The following NBPF12 variants were observed in gnomAD, a reference collection of about 807,000 sequenced individuals.
NBPF12 encodes NBPF family member NBPF12.
In NBPF12, 115 loss-of-function variants were observed where a neutral mutation model predicts 146.4. The observed-to-expected ratio is 0.79, with a 90% CI of 0.68 to 0.92. The LOEUF (loss-of-function observed/expected upper bound fraction) is 0.92, where lower values mean the gene tolerates loss of function less well. Among genes scored for constraint, NBPF12 ranks in the 40% least tolerant of loss-of-function variants. The probability of loss-of-function intolerance (pLI) is 0.00; values close to 1 mark genes in which losing one functional copy is unlikely to be tolerated. For synonymous variants in NBPF12, 385 were observed against 508.9 expected (o/e 0.76, Z 3.28); for missense variants, 1,205 against 1,326.8 (o/e 0.91, Z 1.43).
intron 5 of NBPF12, among the ~76,000 whole-genome samples, chr1:146,962,531 G>A (rs1388364903): frequency 6.6e-6 from 1 of 151,624 alleles, no homozygotes; most frequent in African/African-American, 2.4e-5. Flanking sequence ...CAAAGGAGTG[G>A]GAACCACCTA....
In NBPF12 at chr1:146,972,766, C is replaced by A; in HGVS notation, c.1607C>A (p.Ser536Tyr). The A allele has an allele frequency of 4.0e-6, 5 of 1,241,206 alleles. No individual in the cohort carries two copies. In the South Asian group the frequency reaches 4.8e-5, roughly 12 times the overall value. 76.9% of individuals were successfully genotyped at this position (1,241,206 alleles called of 1,614,324 possible). ...TTCTCCCCAGTCCCTGGCCCCACCT[C>A]TTCTGCCACAAACGTCAGCATGGTG... Residue 536 changes from serine (S) to tyrosine (Y), a missense_variant, in exon 14 of 34, where the codon TCT (serine) becomes TAT (tyrosine). Ser to Tyr is a moderately radical substitution (Grantham distance 144). Around this residue, in one of 16 missense-constraint regions of NBPF12, gnomAD observed 278 missense variants for 203.1 expected, o/e 1.37. Transcript: ENST00000617844.
upstream of NBPF12, among the ~76,000 whole-genome samples, chr1:146,948,806 T>A (rs1655187396): frequency 6.6e-6 from 1 of 151,206 alleles, no homozygotes; most frequent in Non-Finnish European, 1.5e-5. Context: ...GGAAGGCGTC[T>A]GTCTCCTGCT....
intron 14 of NBPF12, among the ~76,000 whole-genome samples, chr1:146,974,444 A>G (rs1215324732): frequency 3.8e-5 from 5 of 132,172 alleles, no homozygotes; most frequent in Non-Finnish European, 7.9e-5. Context: ...AGTGGCCCCG[A>G]ATTCAGAGTC....
chr1:146,984,328 T>G lies in NBPF12; in HGVS notation c.2666+143T>G, dbSNP rs1238951520. 6.0e-6 allele frequency: 4 copies of G among 665,928 alleles called. No individual in the cohort carries two copies. In the African/African-American group the frequency reaches 7.2e-5, roughly 12 times the overall value. 41.3% of individuals were successfully genotyped at this position (665,928 alleles called of 1,614,324 possible). A position where few individuals can be genotyped will look rare whatever the true frequency, so the allele number is the denominator to read the frequency against. On this transcript the variant is annotated intron_variant, in intron 21 of 33. Transcript: ENST00000617844. ...TGCCTACTGCATTGTTTTTTGGTTC[T>G]CATTAGAGTAAATGTTTAGGTTTCC...
At position 146,984,651 on chromosome 1, in the gene NBPF12, G is replaced by A. The variant is rs1553888394; in HGVS notation, c.2667-162G>A. 9.9e-3 allele frequency among the ~76,000 whole-genome samples: 1,395 copies of A among 140,858 alleles called. 18 individuals are homozygous for A. Among genetic ancestry groups the A allele is most frequent in the Non-Finnish European group, 0.016 (1,032 of 66,480 alleles). The allele number at this position is 140,858 out of a possible 152,430, so 92.4% of individuals were successfully genotyped here. ...TTTCTCTTTCATCCTTTTCTACCTG[G>A]CCCTAGTCTATCACAACATAAAGGC... On this transcript the variant is annotated intron_variant, in intron 21 of 33. Coordinates refer to ENST00000617844, the Ensembl canonical transcript of NBPF12.
At chr1:146,964,712 C>G (rs1379384272) in intron 7 of NBPF12, among the ~76,000 whole-genome samples, 181 bp from the exon 11 acceptor site, 1 of 151,996 alleles carries the variant, frequency 6.6e-6, no homozygotes, top group Non-Finnish European at 1.5e-5. Flanking sequence ...CTCTGGCTCC[C>G]ATGGCAGCCA....
At chr1:146,992,510 GTGTCTA>G (rs1658261591) in intron 31 of NBPF12, among the ~76,000 whole-genome samples, 196 bp from the exon 35 acceptor site, 7 of 122,636 alleles carry the variant, frequency 5.7e-5, no homozygotes, top group African/African-American at 1.2e-4. Context: ...GTGTGTGTGT[GTGTCTA>G]TCTGTCTTTC....
At chr1:146,950,666 C>T in intron 1 of NBPF12, among the ~76,000 whole-genome samples, 3 of 152,270 alleles carry the variant, frequency 2.0e-5, no homozygotes, top group Non-Finnish European at 2.9e-5. Context: ...TTTTGAGATT[C>T]ATCCATGTTG....
chr1:146,981,026 A>C (rs1238587225), intron 19 of NBPF12, among the ~76,000 whole-genome samples: 10 of 139,110 alleles, frequency 7.2e-5, no homozygotes, highest in African/African-American at 2.4e-4. Context: ...AAACTATTGC[A>C]AGGACAAAAA....
chr1:146,979,412 G>A (rs1657235120), intron 19 of NBPF12, among the ~76,000 whole-genome samples: 1 of 81,842 alleles, frequency 1.2e-5, no homozygotes, highest in Admixed American at 1.3e-4. Flanking sequence ...TGTGATGTTA[G>A]GGTGTCAATT....
At chr1:146,948,750 G>A (rs1466954770), upstream of NBPF12, among the ~76,000 whole-genome samples, 10 of 151,662 alleles carry the variant, frequency 6.6e-5, no homozygotes, top group African/African-American at 2.4e-4. Flanking sequence ...GTGCTGAGGA[G>A]GATTAGTAAA....
At chr1:146,994,440 G>A (rs782415041) in exon 34 of NBPF12, 7 of 1,611,842 alleles carry the variant, frequency 4.3e-6, no homozygotes, top group South Asian at 1.1e-5. Context: ...ACTCATTCCA[G>A]CACTACAGAA....
exon 34 of NBPF12, chr1:146,994,338 C>G (rs782497445): frequency 2.6e-5 from 42 of 1,611,572 alleles, no homozygotes; most frequent in African/African-American, 4.0e-5. Context: ...CCAGGCTCAA[C>G]AGCGTGCTGA....
intron 10 of NBPF12, 51 bp from the exon 14 acceptor site, chr1:146,969,331 G>C: frequency 3.0e-6 from 2 of 666,936 alleles, no homozygotes; most frequent in Non-Finnish European, 5.2e-6. Context: ...ATATTTGAAC[G>C]GATCACTCAA....
In NBPF12 at chr1:146,939,029, C is replaced by CG. The variant is rs1208760099; in HGVS notation, c.-822+50dup. 1 of 152,260 alleles carries CG rather than the reference C, an allele frequency of 6.6e-6. No homozygotes were observed. The highest frequency in any genetic ancestry group is 1.5e-5 in the Non-Finnish European group (1 of 68,156). The allele number at this position is 152,260 out of a possible 1,614,324, so 9.4% of individuals were successfully genotyped here. A position where few individuals can be genotyped will look rare whatever the true frequency, so the allele number is the denominator to read the frequency against. The stretch of plus-strand genomic sequence containing the variant: ...GGGCGGCAGGTGAGTCTGGGACCTG[C>CG]GGGCGCACAGCTGGGCTGAGGCGCG... On this transcript the variant is annotated intron_variant, in intron 1 of 35. Transcript: ENST00000617931.
chr1:146,966,448 C>G lies in NBPF12; in HGVS notation c.779-16C>G, dbSNP rs2101861172. On this transcript the variant is annotated splice_polypyrimidine_tract_variant and intron_variant, in intron 8 of 33. Coordinates refer to ENST00000617844, the Ensembl canonical transcript of NBPF12. ...CAGTTTTTAACCCATCATGTGTTTG[C>G]CTTTCTTCTCCCCAGTCCCTGGCCC... 8 of 1,334,442 alleles carry G rather than the reference C, an allele frequency of 6.0e-6. No individual in the cohort carries two copies. In the East Asian group the frequency reaches 9.2e-5, roughly 15 times the overall value. 82.7% of individuals were successfully genotyped at this position (1,334,442 alleles called of 1,614,324 possible). A position where few individuals can be genotyped will look rare whatever the true frequency, so the allele number is the denominator to read the frequency against.
chr1:146,970,794 A>T (rs1656554592), intron 12 of NBPF12, 75 bp downstream of exon 15: 1 of 1,207,178 alleles, frequency 8.3e-7, no homozygotes, highest in African/African-American at 1.5e-5. Context: ...CCTCTCTGGC[A>T]TCTATGATGG....
intron 2 of NBPF12, among the ~76,000 whole-genome samples, chr1:146,955,027 CAT>C (rs1406127986): frequency 2.5e-3 from 230 of 91,408 alleles, no homozygotes; most frequent in Admixed American, 3.8e-3. Context: ...CACACACACA[CAT>C]ATATATATTG....
chr1:146,973,928 G>T (rs1192421210), intron 14 of NBPF12, among the ~76,000 whole-genome samples: 1 of 150,770 alleles, frequency 6.6e-6, no homozygotes, highest in Non-Finnish European at 1.5e-5. Context: ...AGGTAGCAGT[G>T]CAGTGTACAG....
Sources: allele counts gnomAD v4.1 joint callset (sites outside exome capture counted in the v4.1 genomes callset), GRCh38; gene constraint gnomAD v4.1.1; regional missense constraint gnomAD v4.1.1; transcripts MANE v1.5; gene names NCBI Gene and HGNC (gene_info 2026-07-23, HGNC 2026-07-21).